PKNOX1: variants seen among roughly 807,000 people sequenced by gnomAD.
PKNOX1 encodes homeobox protein PKNOX1.
A neutral mutation model predicts 51.9 loss-of-function variants in PKNOX1; 15 were observed. The ratio of observed to expected loss-of-function variants is 0.29; its 90% CI spans 0.19 to 0.45. The LOEUF (loss-of-function observed/expected upper bound fraction) is 0.45. Among genes scored for constraint, PKNOX1 ranks in the 20% least tolerant of loss-of-function variants. The pLI is 1.00. For missense variants in PKNOX1, 462 were observed against 547.5 expected (o/e 0.84, Z 1.56); for synonymous variants, 219 against 211.1 (o/e 1.04, Z -0.32).
intron 1 of PKNOX1, among the ~76,000 whole-genome samples, chr21:42,989,792 A>G (rs1187731483): frequency 6.6e-6 from 1 of 152,158 alleles, no homozygotes; most frequent in Non-Finnish European, 1.5e-5. Flanking sequence ...TTAACATATC[A>G]TTTACAGGCA....
chr21:42,997,114 C>G (rs1255615797), intron 1 of PKNOX1, among the ~76,000 whole-genome samples: 7 of 152,188 alleles, frequency 4.6e-5, no homozygotes, highest in Non-Finnish European at 1.0e-4. Context: ...TTCCTGACCT[C>G]AGGTGATCCT....
intron 1 of PKNOX1, among the ~76,000 whole-genome samples, chr21:42,987,496 A>G (rs1351865211): frequency 1.3e-5 from 2 of 149,234 alleles, no homozygotes; most frequent in Admixed American, 6.7e-5. Flanking sequence ...AAGATTTTTT[A>G]AAAAGTATCA....
In PKNOX1 at chr21:43,031,421, C is replaced by G. The variant is rs1475753557; in HGVS notation, c.*1320C>G. On this transcript the variant is annotated 3_prime_UTR_variant, in exon 11 of 11. Coordinates refer to ENST00000291547, the MANE Select transcript of PKNOX1 (RefSeq NM_004571.5). ...GTTGCTTTCGACTTTTCAGAGCCCTCCTGCTCACTTGACCACGTGAGATTT... is the reference window on the plus strand; with the variant it reads ...GTTGCTTTCGACTTTTCAGAGCCCTGCTGCTCACTTGACCACGTGAGATTT... 6.6e-6 allele frequency: 1 copy of G among 152,234 alleles called. No homozygotes were observed. The highest frequency in any genetic ancestry group is 2.4e-5 in the African/African-American group (1 of 41,458). The allele number at this position is 152,234 out of a possible 1,614,324, so 9.4% of individuals were successfully genotyped here.
intron 1 of PKNOX1, among the ~76,000 whole-genome samples, chr21:42,981,909 G>A (rs1391526909): frequency 6.6e-6 from 1 of 152,178 alleles, no homozygotes; most frequent in Non-Finnish European, 1.5e-5. Flanking sequence ...TTGTTGCTGG[G>A]CCTCTGGGCA....
intron 1 of PKNOX1, among the ~76,000 whole-genome samples, chr21:42,983,451 T>C (rs1352070981): frequency 6.6e-6 from 1 of 152,192 alleles, no homozygotes; most frequent in East Asian, 1.9e-4. Context: ...TTCATCTATG[T>C]TGTAGTGTGT....
chr21:43,025,917 G>T (rs537306884), intron 9 of PKNOX1, among the ~76,000 whole-genome samples: 2 of 152,322 alleles, frequency 1.3e-5, no homozygotes, highest in Admixed American at 1.3e-4. Context: ...CATTCTTTTA[G>T]ATGTGGGTAG....
chr21:43,023,677 C>T (rs1222066561), intron 8 of PKNOX1, among the ~76,000 whole-genome samples: 2 of 151,784 alleles, frequency 1.3e-5, no homozygotes, highest in Admixed American at 6.6e-5. Context: ...TGCAGTGGCG[C>T]GATCTCGGCT....
intron 9 of PKNOX1, 189 bp from the exon 10 acceptor site, chr21:43,028,513 G>C: frequency 1.6e-6 from 1 of 639,480 alleles, no homozygotes; most frequent in Non-Finnish European, 2.8e-6. Context: ...AACAGGCTCT[G>C]TGTTTCTGGG....
chr21:42,982,086 C>T (rs1239693288), intron 1 of PKNOX1, among the ~76,000 whole-genome samples: 1 of 152,212 alleles, frequency 6.6e-6, no homozygotes, highest in African/African-American at 2.4e-5. Flanking sequence ...TTTTCCAGCA[C>T]CCACCTCAGA....
At chr21:43,005,860 C>T (rs925302287) in intron 2 of PKNOX1, among the ~76,000 whole-genome samples, 2 of 152,200 alleles carry the variant, frequency 1.3e-5, no homozygotes, top group Non-Finnish European at 1.5e-5. Flanking sequence ...TACCAGCCAC[C>T]TCCTCCCAGG....
chr21:43,023,366 C>T (rs1268617507), intron 8 of PKNOX1, among the ~76,000 whole-genome samples: 2 of 152,076 alleles, frequency 1.3e-5, no homozygotes, highest in Non-Finnish European at 2.9e-5. Context: ...ATGTGATGGG[C>T]AGGGGTGTTT....
intron 1 of PKNOX1, among the ~76,000 whole-genome samples, chr21:42,994,723 AAATGGTG>A (rs1978414268): frequency 6.6e-6 from 1 of 152,100 alleles, no homozygotes; most frequent in Non-Finnish European, 1.5e-5. Context: ...GTACTTCTCA[AAATGGTG>A]ATATTTATGC....
At chr21:43,015,354 C>G (rs1979444962) in intron 5 of PKNOX1, among the ~76,000 whole-genome samples, 1 of 152,152 alleles carries the variant, frequency 6.6e-6, no homozygotes, top group Admixed American at 6.5e-5. Flanking sequence ...GATTTTTCTT[C>G]TTTAGCCTGT....
intron 1 of PKNOX1, among the ~76,000 whole-genome samples, chr21:42,988,369 A>G (rs2059067283): frequency 1.3e-5 from 2 of 152,088 alleles, no homozygotes. Flanking sequence ...TCTTACTTGG[A>G]CCAAATCAAA....
At chr21:43,004,572 GTGTTC>G in intron 2 of PKNOX1, 140 bp downstream of exon 2, 1 of 547,648 alleles carries the variant, frequency 1.8e-6, no homozygotes, top group Non-Finnish European at 3.2e-6. Context: ...TTGTACATTC[GTGTTC>G]AGAAAAAAAG....
At chr21:43,003,671 C>G (rs1398388300) in intron 1 of PKNOX1, among the ~76,000 whole-genome samples, 1 of 152,174 alleles carries the variant, frequency 6.6e-6, no homozygotes, top group Admixed American at 6.5e-5. Flanking sequence ...CTCTCCCTTG[C>G]CTGGTTTGTG....
In PKNOX1 at chr21:43,019,925, ATTTT is replaced by A. The variant is rs60174298; in HGVS notation, c.721-1356_721-1353del. 1.0e-2 allele frequency among the ~76,000 whole-genome samples: 856 copies of A among 85,874 alleles called. 15 individuals carry two copies. Among genetic ancestry groups the A allele is most frequent in the African/African-American group, 0.038 (761 of 20,034 alleles). 56.3% of individuals were successfully genotyped at this position (85,874 alleles called of 152,430 possible). On this transcript the variant is annotated intron_variant, in intron 7 of 10. Transcript: ENST00000291547. Reference sequence around the variant, plus strand: ...CTTCTCTTTTTTTGCAGGTGCTCTGATTTTTTTTTTTTTTTTTTTTTTTTTAAGA... The same window carrying A: ...CTTCTCTTTTTTTGCAGGTGCTCTGATTTTTTTTTTTTTTTTTTTTTAAGA...
chr21:42,989,888 C>T (rs1204617363), intron 1 of PKNOX1, among the ~76,000 whole-genome samples: 1 of 152,102 alleles, frequency 6.6e-6, no homozygotes, highest in African/African-American at 2.4e-5. Flanking sequence ...TGCTTGAGCT[C>T]AGGAGTTTGA....
At chr21:42,984,718 A>C (rs565900450) in intron 1 of PKNOX1, among the ~76,000 whole-genome samples, 14 of 151,942 alleles carry the variant, frequency 9.2e-5, no homozygotes, top group African/African-American at 3.4e-4. Flanking sequence ...TTTTACGGCC[A>C]TGCTCTATGT....
Sources: gnomAD v4.1 joint callset for allele counts (sites outside exome capture counted in the v4.1 genomes callset) on GRCh38, gnomAD v4.1.1 for gene constraint, MANE v1.5 for transcripts, NCBI Gene and HGNC (gene_info 2026-07-23, HGNC 2026-07-21) for gene names.